The following DCP1A variants were observed in gnomAD, a reference collection of about 807,000 sequenced individuals.
DCP1A encodes decapping mRNA 1A.
A neutral mutation model predicts 58.0 loss-of-function variants in DCP1A; 20 were observed. The ratio of observed to expected loss-of-function variants is 0.34; its 90% CI spans 0.24 to 0.50. The LOEUF (loss-of-function observed/expected upper bound fraction) is 0.50, where lower values mean the gene tolerates loss of function less well. Ranked by LOEUF, DCP1A falls within the 20% of genes least tolerant of loss-of-function variation. The probability of loss-of-function intolerance (pLI) is 0.98; values close to 1 mark genes in which losing one functional copy is unlikely to be tolerated. For missense variants in DCP1A, 613 were observed against 712.2 expected (o/e 0.86, Z 1.59); for synonymous variants, 285 against 275.1 (o/e 1.04, Z -0.36).
chr3:53,301,233 G>A (rs1007591270), intron 6 of DCP1A, among the ~76,000 whole-genome samples: 8 of 152,060 alleles, frequency 5.3e-5, no homozygotes, highest in Admixed American at 5.2e-4. Flanking sequence ...TGATGTGAAT[G>A]TAAGACTGTA....
chr3:53,312,493 TTC>T (rs1386240159), intron 4 of DCP1A, 114 bp from the exon 5 acceptor site: 18 of 983,114 alleles, frequency 1.8e-5, no homozygotes, highest in South Asian at 5.9e-5. Flanking sequence ...GATGACATTC[TTC>T]TTTTTTTTTT....
chr3:53,321,842 G>T (rs547551799), intron 3 of DCP1A, among the ~76,000 whole-genome samples: 1 of 152,086 alleles, frequency 6.6e-6, no homozygotes, highest in East Asian at 1.9e-4. Flanking sequence ...ATTTTTTATA[G>T]AAACAAAAAG....
intron 3 of DCP1A, among the ~76,000 whole-genome samples, chr3:53,332,421 GCTT>G (rs1291859451): frequency 3.9e-5 from 6 of 152,240 alleles, no homozygotes; most frequent in South Asian, 2.1e-4. Flanking sequence ...CTTCACAGTG[GCTT>G]CTTGTTTTTA....
chr3:53,347,441 A>G lies in DCP1A; in HGVS notation c.77T>C (p.Ile26Thr). The change falls in exon 1 of 10, where the codon ATC (isoleucine) becomes ACC (threonine). Residue 26 changes from isoleucine (I) to threonine (T), a missense_variant. Ile to Thr is a moderately conservative substitution (Grantham distance 89). Transcript: ENST00000610213. ...LKQHDPYITS[I>T]ADLTGQVALY... Reference sequence around the variant, plus strand: ...AGCGACCTGGCCCGTGAGGTCTGCGATGCTGGTGATATAGGGGTCGTGTTG... The same window carrying G: ...AGCGACCTGGCCCGTGAGGTCTGCGGTGCTGGTGATATAGGGGTCGTGTTG... 2 of 1,613,658 alleles carry G rather than the reference A, an allele frequency of 1.2e-6. No homozygotes were observed. The highest frequency in any genetic ancestry group is 1.7e-6 in the Non-Finnish European group (2 of 1,179,716).
chr3:53,326,979 C>G (rs898531779), intron 3 of DCP1A, among the ~76,000 whole-genome samples: 13 of 143,314 alleles, frequency 9.1e-5, no homozygotes, highest in East Asian at 2.2e-4. Context: ...ATGTCCAACC[C>G]CCCCCCCCCA....
In DCP1A at chr3:53,347,537, C is replaced by A. The variant is rs1340444692; in HGVS notation, c.-20G>T. ...CTCCATCTTGAATCCCAGAGCCTAG[C>A]CCCTCTGGTGGGGGCGGAGTCGCGG... On this transcript the variant is annotated 5_prime_UTR_variant, in exon 1 of 10. Transcript: ENST00000610213. 2 of 1,599,534 alleles carry A rather than the reference C, an allele frequency of 1.3e-6. No individual in the cohort carries two copies. The highest frequency in any genetic ancestry group is 1.1e-5 in the South Asian group (1 of 89,792).
chr3:53,312,476 G>T, intron 4 of DCP1A, 97 bp from the exon 5 acceptor site: 10 of 917,128 alleles, frequency 1.1e-5, no homozygotes, highest in Admixed American at 3.4e-5. Flanking sequence ...CACTAAGAGT[G>T]TCACATGATG....
Position 53,312,280 on chromosome 3 carries a change from G to A in DCP1A, c.471C>T (p.Ile157=). The A allele has an allele frequency of 6.2e-7, 1 of 1,613,056 alleles. No individual in the cohort carries two copies. Among genetic ancestry groups the A allele is most frequent in the Non-Finnish European group, 8.5e-7 (1 of 1,179,542 alleles). The change falls in exon 5 of 10, where the codon ATC becomes ATT. Residue 157 remains isoleucine, a synonymous_variant. Transcript: ENST00000610213. ...CCTTGGCTCTGCTCAGCATCTCCAG[G>A]ATGTCGATGGGCCTGTGGTCGCTGC... is the stretch of plus-strand genomic sequence containing the variant. The part of the protein sequence containing the change: ...NGCSDHRPID[I]LEMLSRAKDE...
At chr3:53,340,677 T>C (rs555871596) in intron 3 of DCP1A, among the ~76,000 whole-genome samples, 6 of 152,170 alleles carry the variant, frequency 3.9e-5, no homozygotes, top group African/African-American at 1.4e-4. Flanking sequence ...AGCACAATCA[T>C]TGTTACCATA....
chr3:53,291,330 A>T (rs1706864481), intron 7 of DCP1A, among the ~76,000 whole-genome samples: 2 of 152,188 alleles, frequency 1.3e-5, no homozygotes, highest in Non-Finnish European at 2.9e-5. Flanking sequence ...TTTGTGTTAC[A>T]ATCTAATTAT....
intron 5 of DCP1A, among the ~76,000 whole-genome samples, chr3:53,308,119 G>T (rs1306241314): frequency 2.0e-5 from 3 of 151,858 alleles, no homozygotes; most frequent in African/African-American, 7.3e-5. Flanking sequence ...CAAAGTATTA[G>T]CAGTGATTAT....
chr3:53,340,448 C>T (rs1389498221), intron 3 of DCP1A, among the ~76,000 whole-genome samples: 4 of 152,116 alleles, frequency 2.6e-5, no homozygotes, highest in African/African-American at 4.8e-5. Flanking sequence ...AAGTGTGCTA[C>T]GGAAAAGAAC....
At chr3:53,291,966 C>T in intron 7 of DCP1A, 103 bp downstream of exon 7, 1 of 1,295,578 alleles carries the variant, frequency 7.7e-7, no homozygotes, top group Admixed American at 2.8e-5. Flanking sequence ...AGGGACAACT[C>T]TAAAAATTGT....
At chr3:53,328,112 C>T (rs1708162364) in intron 3 of DCP1A, among the ~76,000 whole-genome samples, 1 of 151,586 alleles carries the variant, frequency 6.6e-6, no homozygotes, top group Non-Finnish European at 1.5e-5. Context: ...AAGAGCAAAA[C>T]TCCGTCTCAG....
intron 4 of DCP1A, among the ~76,000 whole-genome samples, chr3:53,316,302 C>T (rs1216418703): frequency 6.6e-6 from 1 of 152,158 alleles, no homozygotes; most frequent in Non-Finnish European, 1.5e-5. Context: ...GACAGATAGT[C>T]TTCTTTAGTT....
intron 3 of DCP1A, among the ~76,000 whole-genome samples, chr3:53,319,867 C>T (rs1707911737): frequency 6.6e-6 from 1 of 152,194 alleles, no homozygotes; most frequent in South Asian, 2.1e-4. Flanking sequence ...TGGTGGCTCA[C>T]ACCTGTAATC....
At chr3:53,336,845 G>GATTTATTTATTTATTTATTT (rs56054437) in intron 3 of DCP1A, among the ~76,000 whole-genome samples, 1 of 144,212 alleles carries the variant, frequency 6.9e-6, no homozygotes, top group African/African-American at 2.6e-5. Flanking sequence ...CCAAAGCCCA[G>GATTTATTTATTTATTTATTT]ATTTATTTAT....
At chr3:53,327,814 C>A (rs1708152814) in intron 3 of DCP1A, among the ~76,000 whole-genome samples, 1 of 150,918 alleles carries the variant, frequency 6.6e-6, no homozygotes, top group Admixed American at 6.6e-5. Context: ...AAAACAACAA[C>A]AAAAAAACAA....
chr3:53,335,917 C>T (rs529005999), intron 3 of DCP1A, among the ~76,000 whole-genome samples: 51 of 151,942 alleles, frequency 3.4e-4, no homozygotes, highest in Admixed American at 6.6e-4. Flanking sequence ...CTCAACCTCG[C>T]GGGCTCAGGT....
Sources: allele counts gnomAD v4.1 joint callset (sites outside exome capture counted in the v4.1 genomes callset), GRCh38; gene constraint gnomAD v4.1.1; transcripts MANE v1.5; gene names NCBI Gene and HGNC (gene_info 2026-07-23, HGNC 2026-07-21).